Variants in C8orf34 observed in about 807,000 individuals in gnomAD.
C8orf34 encodes chromosome 8 open reading frame 34.
Under a neutral mutation model 68.3 loss-of-function variants are expected in C8orf34, and 65 were observed. The ratio of observed to expected loss-of-function variants is 0.95; its 90% CI spans 0.78 to 1.17. The LOEUF is 1.17. Ranked by LOEUF, C8orf34 falls within the 50% of genes most tolerant of loss-of-function variation. The pLI, the probability that C8orf34 is intolerant of heterozygous loss-of-function variation, is 0.00. For synonymous variants in C8orf34, 244 were observed against 241.2 expected, an observed-to-expected ratio of 1.01 and a Z score of -0.11; for missense variants, 664 against 655.4, an observed-to-expected ratio of 1.01 and a Z score of -0.14.
At position 68,750,614 on chromosome 8, in the gene C8orf34, C is replaced by T. The variant is rs190190504; in HGVS notation, c.1405-25785C>T. On this transcript the variant is annotated intron_variant, in intron 10 of 13. Transcript: ENST00000518698. ...ATATAAAACGGTAAATGTTATGTTA[C>T]GTGCATTTTACCATAATAAAAAAAG... Among the ~76,000 whole-genome samples, 794 of 152,096 alleles carry T rather than the reference C, an allele frequency of 5.2e-3. 4 individuals are homozygous for T. The highest frequency in any genetic ancestry group is 0.018 in the African/African-American group (765 of 41,472).
chr8:68,555,440 T>TA (rs1816221937), intron 7 of C8orf34, among the ~76,000 whole-genome samples: 1 of 152,162 alleles, frequency 6.6e-6, no homozygotes, highest in African/African-American at 2.4e-5. Context: ...GCATTCTACT[T>TA]ACATTCTTTA....
intron 2 of C8orf34, among the ~76,000 whole-genome samples, chr8:68,445,118 G>A (rs72664951): frequency 7.2e-5 from 11 of 152,218 alleles, no homozygotes; most frequent in Non-Finnish European, 1.5e-4. Context: ...TGTTCCTAAT[G>A]CTTTAGAATT....
chr8:68,479,662 G>A (rs568601846), intron 4 of C8orf34, among the ~76,000 whole-genome samples: 2 of 152,222 alleles, frequency 1.3e-5, no homozygotes, highest in South Asian at 2.1e-4. Context: ...TTTTTGAGGG[G>A]GATGAAGGGT....
chr8:68,483,173 C>T (rs184978787), intron 4 of C8orf34, among the ~76,000 whole-genome samples: 75 of 152,306 alleles, frequency 4.9e-4, no homozygotes, highest in African/African-American at 1.8e-3. Context: ...AGATGGAAGT[C>T]TTGAAGAAAC....
chr8:68,691,658 A>G (rs544941155), intron 8 of C8orf34, among the ~76,000 whole-genome samples: 13 of 152,224 alleles, frequency 8.5e-5, no homozygotes, highest in African/African-American at 2.6e-4. Flanking sequence ...GTTAGGGAAA[A>G]TAATCCTTGT....
intron 1 of C8orf34, among the ~76,000 whole-genome samples, chr8:68,333,747 A>T (rs911085135): frequency 6.6e-6 from 1 of 152,188 alleles, no homozygotes; most frequent in Non-Finnish European, 1.5e-5. Flanking sequence ...TGTTTGCTAC[A>T]ATTTTAATTT....
intron 10 of C8orf34, among the ~76,000 whole-genome samples, chr8:68,775,881 A>T (rs1036495550): frequency 6.6e-6 from 1 of 152,200 alleles, no homozygotes; most frequent in Non-Finnish European, 1.5e-5. Flanking sequence ...GGAAGCCATT[A>T]TCCTCAGCAA....
intron 12 of C8orf34, among the ~76,000 whole-genome samples, chr8:68,792,821 T>C (rs1347133444): frequency 6.6e-6 from 1 of 151,742 alleles, no homozygotes. Flanking sequence ...ATAAAAAATA[T>C]AAAGAGATGG....
chr8:68,352,853 T>C (rs1806570644), intron 1 of C8orf34, among the ~76,000 whole-genome samples: 1 of 152,130 alleles, frequency 6.6e-6, no homozygotes, highest in Non-Finnish European at 1.5e-5. Flanking sequence ...ACAATAAGTA[T>C]GTACAGATAG....
chr8:68,474,236 G>A (rs1422307459), intron 4 of C8orf34, among the ~76,000 whole-genome samples: 2 of 152,080 alleles, frequency 1.3e-5, no homozygotes, highest in Admixed American at 6.6e-5. Context: ...ATGTATCTAA[G>A]TGGACCACAC....
At chr8:68,793,525 G>A (rs1781154744) in intron 12 of C8orf34, among the ~76,000 whole-genome samples, 1 of 151,742 alleles carries the variant, frequency 6.6e-6, no homozygotes, top group Non-Finnish European at 1.5e-5. Flanking sequence ...GGACATGGAT[G>A]AAGGTGGAGG....
intron 10 of C8orf34, among the ~76,000 whole-genome samples, chr8:68,739,838 A>T (rs1005543781): frequency 6.6e-6 from 1 of 152,186 alleles, no homozygotes; most frequent in African/African-American, 2.4e-5. Flanking sequence ...AGCTGGAGGC[A>T]TCATGCTACC....
At chr8:68,689,600 C>G (rs1820628697) in intron 8 of C8orf34, among the ~76,000 whole-genome samples, 1 of 151,978 alleles carries the variant, frequency 6.6e-6, no homozygotes, top group Non-Finnish European at 1.5e-5. Context: ...TATAAATGAA[C>G]TTACTTAATA....
At chr8:68,381,813 T>G (rs1236706441) in intron 1 of C8orf34, among the ~76,000 whole-genome samples, 1 of 151,604 alleles carries the variant, frequency 6.6e-6, no homozygotes, top group African/African-American at 2.4e-5. Flanking sequence ...TGCATTCCAT[T>G]TATTTTTTCT....
chr8:68,754,881 A>G (rs1822806963), intron 10 of C8orf34, among the ~76,000 whole-genome samples: 1 of 152,224 alleles, frequency 6.6e-6, no homozygotes, highest in African/African-American at 2.4e-5. Flanking sequence ...CTTTGGTTAA[A>G]CATAGGATAG....
intron 1 of C8orf34, among the ~76,000 whole-genome samples, chr8:68,385,683 C>G (rs2591021): frequency 1.7e-4 from 26 of 151,918 alleles, no homozygotes; most frequent in African/African-American, 1.7e-4. Context: ...ATTGGAAAAG[C>G]CTTTCATATA....
At chr8:68,645,741 C>G (rs1038613624) in intron 8 of C8orf34, among the ~76,000 whole-genome samples, 2 of 152,128 alleles carry the variant, frequency 1.3e-5, no homozygotes, top group Admixed American at 6.6e-5. Flanking sequence ...GAGGGTTTCT[C>G]CAAAGAGCCC....
chr8:68,350,877 A>G (rs1806482750), intron 1 of C8orf34, among the ~76,000 whole-genome samples: 1 of 152,088 alleles, frequency 6.6e-6, no homozygotes, highest in Admixed American at 6.6e-5. Context: ...GGGTCTCTTG[A>G]AGACAGTATA....
At chr8:68,774,505 C>T (rs886305348) in intron 10 of C8orf34, among the ~76,000 whole-genome samples, 1 of 151,908 alleles carries the variant, frequency 6.6e-6, no homozygotes, top group Non-Finnish European at 1.5e-5. Context: ...ATCTCTTTCA[C>T]TATCTTATCC....
Sources: allele counts gnomAD v4.1 joint callset (sites outside exome capture counted in the v4.1 genomes callset), GRCh38; gene constraint gnomAD v4.1.1; transcripts MANE v1.5; gene names NCBI Gene and HGNC (gene_info 2026-07-23, HGNC 2026-07-21).